Variants in PTPRN2 observed in about 807,000 individuals in gnomAD.
PTPRN2 encodes the protein protein tyrosine phosphatase receptor type N2.
In PTPRN2, 74 loss-of-function variants were observed where a neutral mutation model predicts 118.8. The ratio of observed to expected loss-of-function variants is 0.62; its 90% CI spans 0.52 to 0.76. PTPRN2 has a LOEUF of 0.76. Ranked by LOEUF, PTPRN2 falls within the 30% of genes least tolerant of loss-of-function variation. The probability of loss-of-function intolerance (pLI) is 0.00; values close to 1 mark genes in which losing one functional copy is unlikely to be tolerated. For synonymous variants in PTPRN2, 641 were observed against 608.0 expected (o/e 1.05, Z -0.80); for missense variants, 1,481 against 1,394.4 (o/e 1.06, Z -0.99).
chr7:157,748,580 T>G (rs1806968305), intron 12 of PTPRN2, among the ~76,000 whole-genome samples: 1 of 148,234 alleles, frequency 6.7e-6, no homozygotes, highest in Non-Finnish European at 1.5e-5. Flanking sequence ...CTCTGGGGTG[T>G]CTGGGTGATT....
intron 4 of PTPRN2, among the ~76,000 whole-genome samples, chr7:158,203,526 T>C (rs1428081666): frequency 1.3e-5 from 2 of 152,140 alleles, no homozygotes; most frequent in African/African-American, 4.8e-5. Context: ...AGGCAGGTCC[T>C]CCCTGGATTG....
rs1802133142 is a variant in PTPRN2, at chr7:157,969,038, G to A, written c.1724-70301C>T. On this transcript the variant is annotated intron_variant, in intron 11 of 22. Coordinates refer to ENST00000389418, the MANE Select transcript of PTPRN2 (RefSeq NM_002847.5). ...ATACTCGTTGAAATTTTTAATCCAG[G>A]ATAAATTATGAGAGTCTGTACTGCA... Among the ~76,000 whole-genome samples the A allele has an allele frequency of 4.6e-5, 7 of 152,096 alleles. No homozygotes were observed. In the South Asian group the frequency reaches 1.5e-3, roughly 32 times the overall value.
At position 157,676,075 on chromosome 7, in the gene PTPRN2, G is replaced by T. The variant is rs182662730; in HGVS notation, c.2001+6650C>A. Among the ~76,000 whole-genome samples, 1 of 151,976 alleles carries T rather than the reference G, an allele frequency of 6.6e-6. No homozygotes were observed. The highest frequency in any genetic ancestry group is 1.5e-5 in the Non-Finnish European group (1 of 67,978). The stretch of plus-strand genomic sequence containing the variant: ...TCCCTTGGAGCGCCACAGACTGCAG[G>T]GTTTGTCCTTGTCACGAACTCAAAG... On this transcript the variant is annotated intron_variant, in intron 13 of 22. Transcript: ENST00000389418. This position sits in a 1 kb window ranked among gnomAD's most constrained non-coding sequence, Gnocchi z 5.6.
chr7:157,641,538 C>CTTTTGTGG (rs1162857238), intron 14 of PTPRN2, among the ~76,000 whole-genome samples: 41 of 152,250 alleles, frequency 2.7e-4, no homozygotes, highest in African/African-American at 9.6e-4. Flanking sequence ...GTTTTGTAAC[C>CTTTTGTGG]AGCCATATTT....
At chr7:157,963,822 G>A (rs769766364) in intron 11 of PTPRN2, among the ~76,000 whole-genome samples, 13 of 152,184 alleles carry the variant, frequency 8.5e-5, no homozygotes, top group Non-Finnish European at 1.8e-4. Flanking sequence ...TCCAATGGCC[G>A]GGGTTGCTAC....
At chr7:158,169,051 C>G (rs1823285355) in intron 5 of PTPRN2, among the ~76,000 whole-genome samples, 1 of 152,158 alleles carries the variant, frequency 6.6e-6, no homozygotes, top group Non-Finnish European at 1.5e-5. Context: ...GGCACATGAT[C>G]AATGTCATGT....
intron 12 of PTPRN2, among the ~76,000 whole-genome samples, chr7:157,762,448 C>A (rs1373062685): frequency 4.0e-5 from 6 of 151,336 alleles, no homozygotes; most frequent in Admixed American, 1.3e-4. Flanking sequence ...TTTGTAGGGA[C>A]ATGGATGAAA....
intron 12 of PTPRN2, among the ~76,000 whole-genome samples, chr7:157,707,542 C>T (rs1426754026): frequency 3.3e-5 from 5 of 152,146 alleles, no homozygotes; most frequent in Admixed American, 6.6e-5. Context: ...TGATCAGTCT[C>T]GGCAGGTATT....
At chr7:158,339,337 G>A (rs1158678531) in intron 2 of PTPRN2, among the ~76,000 whole-genome samples, 3 of 7,980 alleles carry the variant, frequency 3.8e-4, no homozygotes, top group Non-Finnish European at 7.4e-4. Flanking sequence ...AACCATAAGA[G>A]GTGACACATG....
chr7:157,923,793 T>C (rs1399631250), intron 11 of PTPRN2, among the ~76,000 whole-genome samples: 1 of 152,100 alleles, frequency 6.6e-6, no homozygotes, highest in Non-Finnish European at 1.5e-5. Context: ...GAATCGACAG[T>C]GTTAGTGTAG....
chr7:158,249,386 T>G (rs1330649017), intron 3 of PTPRN2, among the ~76,000 whole-genome samples: 3 of 80,142 alleles, frequency 3.7e-5, no homozygotes, highest in Admixed American at 1.3e-4. Context: ...TACATACACA[T>G]ATCTACCACA....
intron 10 of PTPRN2, among the ~76,000 whole-genome samples, chr7:158,083,773 C>T (rs917617173): frequency 1.3e-5 from 2 of 152,324 alleles, no homozygotes; most frequent in Admixed American, 6.5e-5. Context: ...TCAGGCCCAG[C>T]GAGACCCAGG....
In PTPRN2 at chr7:158,529,178, A is replaced by T. The variant is rs1473157310; in HGVS notation, c.113-39393T>A. Among the ~76,000 whole-genome samples, 2 of 152,248 alleles carry T rather than the reference A, an allele frequency of 1.3e-5. No individual in the cohort carries two copies. The highest frequency in any genetic ancestry group is 2.4e-5 in the African/African-American group (1 of 41,468). ...GGACATTAGAATGCCCGCAGCACTC[A>T]CACAGCACCTGGTGGGCACTAAGCA... On this transcript the variant is annotated intron_variant, in intron 1 of 22. Transcript: ENST00000389418. The surrounding 1 kb of genome is among the most constrained non-coding windows in gnomAD (Gnocchi z 4.7).
chr7:158,054,504 C>A (rs1014918438), intron 11 of PTPRN2, among the ~76,000 whole-genome samples: 1 of 152,182 alleles, frequency 6.6e-6, no homozygotes, highest in African/African-American at 2.4e-5. Context: ...ATGAAACATG[C>A]CGTGAGATTA....
intron 11 of PTPRN2, among the ~76,000 whole-genome samples, chr7:157,907,142 T>G (rs537015839): frequency 1.3e-5 from 2 of 152,194 alleles, no homozygotes; most frequent in Non-Finnish European, 2.9e-5. Flanking sequence ...AAAACCACCT[T>G]CAAGGTGGGT....
Position 158,145,138 on chromosome 7 carries a change from T to A in PTPRN2, c.911-6623A>T, listed in dbSNP as rs571511718. On this transcript the variant is annotated intron_variant, in intron 6 of 22. Transcript: ENST00000389418. ...ACATCATCGCGAGAAGGTTCCAGAA[T>A]ACCACGGCTCGGCAAGACTTCCCTC... 6.7e-4 allele frequency among the ~76,000 whole-genome samples: 101 copies of A among 151,048 alleles called. 1 individual carries two copies. In the Middle Eastern group the frequency reaches 0.017, roughly 26 times the overall value.
chr7:158,508,528 AG>A (rs1822937236), intron 1 of PTPRN2, among the ~76,000 whole-genome samples: 1 of 152,088 alleles, frequency 6.6e-6, no homozygotes, highest in Non-Finnish European at 1.5e-5. Context: ...ACCCAGCTCC[AG>A]GGGTGTGGTG....
At chr7:157,620,546 C>T (rs568642370) in intron 15 of PTPRN2, among the ~76,000 whole-genome samples, 1 of 152,354 alleles carries the variant, frequency 6.6e-6, no homozygotes, top group East Asian at 1.9e-4. Context: ...CTAACCCTTA[C>T]AGCAGTAATA....
chr7:158,336,377 A>C (rs1342467353), intron 2 of PTPRN2, among the ~76,000 whole-genome samples: 40 of 123,024 alleles, frequency 3.3e-4, no homozygotes, highest in African/African-American at 1.2e-3. Context: ...AAGAGCTGAC[A>C]CATGCAGACG....
Sources: gnomAD v4.1 joint callset for allele counts (sites outside exome capture counted in the v4.1 genomes callset) on GRCh38, gnomAD v4.1.1 for gene constraint, Gnocchi (gnomAD v3.1) non-coding constraint, MANE v1.5 for transcripts, NCBI Gene and HGNC (gene_info 2026-07-23, HGNC 2026-07-21) for gene names.